The following WDR64 variants were observed in gnomAD, a reference collection of about 807,000 sequenced individuals.
The protein encoded by WDR64 is WD repeat-containing protein 64.
Under a neutral mutation model 139.3 loss-of-function variants are expected in WDR64, and 112 were observed. The ratio of observed to expected loss-of-function variants is 0.80; its 90% CI spans 0.69 to 0.94. The LOEUF is 0.94. Among genes scored for constraint, WDR64 ranks in the 40% least tolerant of loss-of-function variants. WDR64 has a pLI of 0.00. For missense variants in WDR64, 1,206 were observed against 1,293.1 expected (o/e 0.93, Z 1.03); for synonymous variants, 444 against 437.7 (o/e 1.01, Z -0.18).
intron 8 of WDR64, among the ~76,000 whole-genome samples, chr1:241,695,308 C>T (rs886241170): frequency 1.3e-5 from 2 of 152,080 alleles, no homozygotes; most frequent in African/African-American, 4.8e-5. Flanking sequence ...AGTACAATGG[C>T]GCACAACTAT....
intron 9 of WDR64, among the ~76,000 whole-genome samples, chr1:241,719,988 C>T (rs145345411): frequency 2.2e-3 from 329 of 152,142 alleles, no homozygotes; most frequent in African/African-American, 6.8e-3. Flanking sequence ...TGAGTTGTTC[C>T]CCACCGTGAG....
chr1:241,784,953 G>GAAAAAAAAAA (rs58720618), intron 23 of WDR64, among the ~76,000 whole-genome samples: 58 of 62,216 alleles, frequency 9.3e-4, no homozygotes, highest in East Asian at 1.8e-3. Context: ...GACTCTGTCT[G>GAAAAAAAAAA]AAAAAAAAAA....
Position 241,711,841 on chromosome 1 carries a change from T to G in WDR64, c.1014T>G (p.Thr338=). 1 of 1,614,166 alleles carries G rather than the reference T, an allele frequency of 6.2e-7. No homozygotes were observed. Among genetic ancestry groups the G allele is most frequent in the South Asian group, 1.1e-5 (1 of 91,080 alleles). The change falls in exon 9 of 28, where the codon ACT becomes ACG. Residue 338 remains threonine, a synonymous_variant. Coordinates refer to ENST00000437684, the MANE Select transcript of WDR64 (RefSeq NM_001367482.1). ...REFSMPRGAN[T]FCYCVKANVI... ...TTTCCATGCCAAGAGGAGCCAACAC[T>G]TTTTGCTACTGTGTTAAGGCAAATG...
chr1:241,757,543 T>C (rs543120136), intron 15 of WDR64, 84 bp downstream of exon 15: 73 of 1,282,476 alleles, frequency 5.7e-5, no homozygotes, highest in Admixed American at 1.3e-4. Context: ...CAGAAAATAA[T>C]ACAAAGAGCT....
intron 20 of WDR64, among the ~76,000 whole-genome samples, chr1:241,773,443 A>AT (rs916858399): frequency 4.6e-5 from 7 of 152,132 alleles, no homozygotes; most frequent in Non-Finnish European, 1.0e-4. Context: ...TAATTCTTTT[A>AT]TTTGGGGAGA....
chr1:241,779,176 T>C (rs972711331), intron 21 of WDR64, among the ~76,000 whole-genome samples: 2 of 152,172 alleles, frequency 1.3e-5, no homozygotes, highest in African/African-American at 2.4e-5. Flanking sequence ...CTCAACATGT[T>C]AAATATTTCA....
At chr1:241,791,294 C>A (rs1416919621) in intron 25 of WDR64, among the ~76,000 whole-genome samples, 2 of 151,998 alleles carry the variant, frequency 1.3e-5, no homozygotes, top group Non-Finnish European at 2.9e-5. Flanking sequence ...TCAAAAAAAA[C>A]AAACAAAAAG....
intron 1 of WDR64, among the ~76,000 whole-genome samples, chr1:241,655,705 CT>C (rs1553359575): frequency 2.4e-4 from 7 of 29,022 alleles, no homozygotes; most frequent in South Asian, 1.9e-3. Context: ...TTTTTCTTTT[CT>C]TTTTTTTTTT....
intron 10 of WDR64, 42 bp from the exon 11 acceptor site, chr1:241,738,321 G>T (rs775835498): frequency 5.7e-6 from 9 of 1,590,176 alleles, no homozygotes; most frequent in Non-Finnish European, 7.7e-6. Context: ...GGTGAGAAAG[G>T]TGAGTATAAA....
At chr1:241,675,732 C>G (rs1051501063) in intron 4 of WDR64, among the ~76,000 whole-genome samples, 2 of 152,176 alleles carry the variant, frequency 1.3e-5, no homozygotes, top group African/African-American at 4.8e-5. Context: ...TTTTTTACAT[C>G]TGTAGAATGA....
Position 241,679,465 on chromosome 1 carries a change from A to G in WDR64, c.514-20A>G, listed in dbSNP as rs561092234. On this transcript the variant is annotated intron_variant, in intron 5 of 27. Coordinates refer to ENST00000437684, the MANE Select transcript of WDR64 (RefSeq NM_001367482.1). ...TGAAGGAAATGCATTATATCCCCCA[A>G]TTCTCTGCTTTTCTATCAGGACACC... is the stretch of plus-strand genomic sequence containing the variant. 2.7e-5 allele frequency: 42 copies of G among 1,547,096 alleles called. No homozygotes were observed. In the East Asian group the frequency reaches 4.6e-4, roughly 17 times the overall value.
At chr1:241,659,535 A>G (rs1665742201) in intron 1 of WDR64, among the ~76,000 whole-genome samples, 1 of 152,196 alleles carries the variant, frequency 6.6e-6, no homozygotes, top group African/African-American at 2.4e-5. Flanking sequence ...AACAGTGTAA[A>G]AGCCTTCCTT....
chr1:241,673,180 A>G (rs538542019), intron 3 of WDR64, among the ~76,000 whole-genome samples: 1 of 128,328 alleles, frequency 7.8e-6, no homozygotes, highest in East Asian at 2.7e-4. Flanking sequence ...CACACCAGGG[A>G]CTGTTGTGGG....
chr1:241,733,040 C>G (rs184212081), intron 10 of WDR64, among the ~76,000 whole-genome samples: 40 of 152,262 alleles, frequency 2.6e-4, no homozygotes, highest in African/African-American at 9.4e-4. Flanking sequence ...AGAAGTCTTT[C>G]TCTTGTCCTT....
In WDR64 at chr1:241,652,343, T is replaced by C. The variant is rs1573976686; in HGVS notation, c.-142T>C. On this transcript the variant is annotated 5_prime_UTR_variant, in exon 1 of 28. Coordinates refer to ENST00000437684, the MANE Select transcript of WDR64 (RefSeq NM_001367482.1). ...TGGCAACTCTTACTCCTACCCGCACTATGGGATTTTAAGATCAAAGGAATT... is the reference window on the plus strand; with the variant it reads ...TGGCAACTCTTACTCCTACCCGCACCATGGGATTTTAAGATCAAAGGAATT... 4.9e-6 allele frequency: 4 copies of C among 811,868 alleles called. No individual in the cohort carries two copies. Among genetic ancestry groups the C allele is most frequent in the Non-Finnish European group, 7.6e-6 (4 of 528,388 alleles). The allele number at this position is 811,868 out of a possible 1,614,324, so 50.3% of individuals were successfully genotyped here.
chr1:241,720,774 C>T (rs978547641), intron 9 of WDR64, among the ~76,000 whole-genome samples: 8 of 152,134 alleles, frequency 5.3e-5, no homozygotes, highest in Admixed American at 2.6e-4. Context: ...ATGATAGTTT[C>T]TTTTGCTGTG....
At chr1:241,738,626 A>G in intron 11 of WDR64, 137 bp downstream of exon 11, 1 of 920,356 alleles carries the variant, frequency 1.1e-6, no homozygotes, top group South Asian at 2.0e-5. Flanking sequence ...GTGACAGTAG[A>G]TATTTAATTC....
chr1:241,757,483 T>C (rs1670243426), intron 15 of WDR64, 24 bp downstream of exon 15: 1 of 1,578,326 alleles, frequency 6.3e-7, no homozygotes, highest in Non-Finnish European at 8.6e-7. Context: ...CTTGGTTTCT[T>C]TTTAACTTTT....
intron 11 of WDR64, among the ~76,000 whole-genome samples, chr1:241,740,485 CAG>C (rs1669494779): frequency 6.6e-6 from 1 of 152,150 alleles, no homozygotes; most frequent in South Asian, 2.1e-4. Context: ...TTAAACACTT[CAG>C]AGAGTGTTTA....
Sources: gnomAD v4.1 joint callset for allele counts (sites outside exome capture counted in the v4.1 genomes callset) on GRCh38, gnomAD v4.1.1 for gene constraint, MANE v1.5 for transcripts, NCBI Gene and HGNC (gene_info 2026-07-23, HGNC 2026-07-21) for gene names.